Variants in RALGPS1 observed in about 807,000 individuals in gnomAD.
The protein encoded by RALGPS1 is ras-specific guanine nucleotide-releasing factor RalGPS1.
A neutral mutation model predicts 78.8 loss-of-function variants in RALGPS1; 19 were observed. The observed-to-expected ratio is 0.24, with a 90% CI of 0.17 to 0.35. RALGPS1 has a LOEUF of 0.35. Ranked by LOEUF, RALGPS1 falls within the 10% of genes least tolerant of loss-of-function variation. The probability of loss-of-function intolerance (pLI) is 1.00; values close to 1 mark genes in which losing one functional copy is unlikely to be tolerated. For missense variants in RALGPS1, 454 were observed against 688.3 expected (o/e 0.66, Z 3.81); for synonymous variants, 228 against 256.3 (o/e 0.89, Z 1.06).
chr9:127,072,216 A>C (rs2050266359), intron 8 of RALGPS1, among the ~76,000 whole-genome samples: 1 of 151,964 alleles, frequency 6.6e-6, no homozygotes, highest in Non-Finnish European at 1.5e-5. Flanking sequence ...CGTTTAATTT[A>C]TCCATTTGTT....
At chr9:127,104,032 C>T (rs2053989825) in intron 8 of RALGPS1, among the ~76,000 whole-genome samples, 1 of 152,218 alleles carries the variant, frequency 6.6e-6, no homozygotes, top group African/African-American at 2.4e-5. Flanking sequence ...GGGTCGATCT[C>T]TGCTCTGCCA....
At chr9:126,991,687 G>C (rs1235477358) in intron 4 of RALGPS1, among the ~76,000 whole-genome samples, 1 of 152,158 alleles carries the variant, frequency 6.6e-6, no homozygotes, top group African/African-American at 2.4e-5. Context: ...GTGATCATAG[G>C]CAAGTTCCCT....
chr9:127,092,033 C>A, intron 8 of RALGPS1: 1 of 1,489,176 alleles, frequency 6.7e-7, no homozygotes, highest in Non-Finnish European at 9.1e-7. Flanking sequence ...GATAGAGGGG[C>A]CTGGGAAACA....
intron 12 of RALGPS1, among the ~76,000 whole-genome samples, chr9:127,195,771 T>C (rs2061320325): frequency 6.6e-6 from 1 of 151,948 alleles, no homozygotes; most frequent in Admixed American, 6.6e-5. Flanking sequence ...CCTTCCTTCC[T>C]TCCCTCCCTT....
At chr9:127,096,988 A>G (rs1281370952) in intron 8 of RALGPS1, among the ~76,000 whole-genome samples, 1 of 152,200 alleles carries the variant, frequency 6.6e-6, no homozygotes, top group Non-Finnish European at 1.5e-5. Context: ...GTATGCACCC[A>G]GGGGGTGTGC....
intron 18 of RALGPS1, among the ~76,000 whole-genome samples, chr9:127,217,969 C>A (rs1238462037): frequency 6.6e-6 from 1 of 152,212 alleles, no homozygotes; most frequent in African/African-American, 2.4e-5. Context: ...CTATAGTGAA[C>A]AGTACTGCTA....
In RALGPS1 at chr9:126,962,238, AGGTTAT is replaced by A; in HGVS notation, c.-50_-45del. On this transcript the variant is annotated 5_prime_UTR_variant, in exon 2 of 19. It removes an upstream start codon present in the reference 5' UTR. Transcript: ENST00000259351. ...TTTGCCTTGCAGGACTTCTCCAGAC[AGGTTAT>A]GTTACCTGCAGAGGCTGCCCTGAAG... The A allele has an allele frequency of 6.3e-7, 1 of 1,592,576 alleles. No individual in the cohort carries two copies. Among genetic ancestry groups the A allele is most frequent in the Middle Eastern group, 1.7e-4 (1 of 6,002 alleles).
intron 13 of RALGPS1, among the ~76,000 whole-genome samples, 154 bp downstream of exon 13, chr9:127,196,785 A>G (rs1564773302): frequency 6.6e-6 from 1 of 152,250 alleles, no homozygotes; most frequent in Non-Finnish European, 1.5e-5. Context: ...GGCTGCCTGC[A>G]GGAATCGCCC....
At chr9:127,125,188 A>C (rs1449560331) in intron 8 of RALGPS1, among the ~76,000 whole-genome samples, 2 of 152,238 alleles carry the variant, frequency 1.3e-5, no homozygotes, top group Non-Finnish European at 2.9e-5. Context: ...GATGTGATAC[A>C]TTAAGTGTAA....
intron 8 of RALGPS1, among the ~76,000 whole-genome samples, chr9:127,095,136 C>T (rs139172567): frequency 0.011 from 1,686 of 152,326 alleles, 18 homozygotes; most frequent in South Asian, 0.034. Context: ...CGGTGGCTCA[C>T]GCCTGTAATC....
chr9:127,010,291 T>C (rs1012388418), intron 4 of RALGPS1, among the ~76,000 whole-genome samples: 3 of 152,150 alleles, frequency 2.0e-5, no homozygotes, highest in Non-Finnish European at 4.4e-5. Flanking sequence ...CCTGACTTCC[T>C]CTGACTGTAT....
chr9:126,998,666 G>A (rs2042998842), intron 4 of RALGPS1, among the ~76,000 whole-genome samples: 2 of 152,108 alleles, frequency 1.3e-5, no homozygotes, highest in South Asian at 4.1e-4. Flanking sequence ...TCCCATTACT[G>A]GGTATATACC....
intron 8 of RALGPS1, among the ~76,000 whole-genome samples, chr9:127,119,681 A>G (rs1183441389): frequency 6.6e-6 from 1 of 152,242 alleles, no homozygotes; most frequent in Middle Eastern, 3.2e-3. Context: ...GGAGGGCCAG[A>G]TGGAGGAACA....
chr9:126,997,931 A>G lies in RALGPS1; in HGVS notation c.216+20186A>G, dbSNP rs1367379969. Among the ~76,000 whole-genome samples, 8 of 152,348 alleles carry G rather than the reference A, an allele frequency of 5.3e-5. No homozygotes were observed. The East Asian group carries it at 1.2e-3, about 22-fold the overall frequency. On this transcript the variant is annotated intron_variant, in intron 4 of 18. Transcript: ENST00000259351. ...ACAAGCAATGGGGAAAGGATTCCCT[A>G]TTTAATAAATGGTGCTTGGAAAACT...
At chr9:127,042,523 T>C (rs183640294) in intron 5 of RALGPS1, among the ~76,000 whole-genome samples, 188 of 152,290 alleles carry the variant, frequency 1.2e-3, no homozygotes, top group Middle Eastern at 3.4e-3. Flanking sequence ...CTTCTTCAAC[T>C]TGATAAAGAA....
chr9:126,972,095 A>G (rs1418884956), intron 3 of RALGPS1, among the ~76,000 whole-genome samples: 1 of 152,224 alleles, frequency 6.6e-6, no homozygotes, highest in Non-Finnish European at 1.5e-5. Context: ...GACATGTTCA[A>G]GATGAGCCTG....
intron 8 of RALGPS1, among the ~76,000 whole-genome samples, chr9:127,154,521 T>G (rs1209842866): frequency 6.6e-6 from 1 of 152,266 alleles, no homozygotes; most frequent in East Asian, 1.9e-4. Context: ...AGTATTTCAT[T>G]TCAGCAAAAT....
chr9:126,975,681 G>A (rs1369166695), intron 3 of RALGPS1, among the ~76,000 whole-genome samples: 5 of 152,204 alleles, frequency 3.3e-5, no homozygotes, highest in Non-Finnish European at 7.3e-5. Flanking sequence ...TCAGGACATA[G>A]TTCTGAGCCA....
intron 8 of RALGPS1, chr9:127,079,638 G>A (rs918082394): frequency 2.6e-5 from 4 of 152,188 alleles, no homozygotes; most frequent in Non-Finnish European, 5.9e-5. Context: ...CGTGTGAAGA[G>A]GCCCGTGTGG....
Sources: allele counts gnomAD v4.1 joint callset (sites outside exome capture counted in the v4.1 genomes callset), GRCh38; gene constraint gnomAD v4.1.1; transcripts MANE v1.5; gene names NCBI Gene and HGNC (gene_info 2026-07-23, HGNC 2026-07-21).